The following SMIM7 variants were observed in gnomAD, a reference collection of about 807,000 sequenced individuals.
SMIM7 encodes the protein UPF0608 protein C19orf42.
Under a neutral mutation model 13.3 loss-of-function variants are expected in SMIM7, and 12 were observed. The observed-to-expected ratio is 0.90, with a 90% confidence interval of 0.58 to 1.46. The LOEUF (loss-of-function observed/expected upper bound fraction) is 1.46, where lower values mean the gene tolerates loss of function less well. Among genes scored for constraint, SMIM7 ranks in the 40% most tolerant of loss-of-function variants. The pLI, the probability that SMIM7 is intolerant of heterozygous loss-of-function variation, is 0.00. For missense variants in SMIM7, 114 were observed against 94.8 expected, an observed-to-expected ratio of 1.20 and a Z score of -0.84; for synonymous variants, 36 against 35.8, an observed-to-expected ratio of 1.01 and a Z score of -0.02.
At chr19:16,643,119 T>TA (rs997551551), downstream of SMIM7, among the ~76,000 whole-genome samples, 2 of 151,542 alleles carry the variant, frequency 1.3e-5, no homozygotes, top group African/African-American at 4.9e-5. Context: ...ACTCTGTCTC[T>TA]AAAAAAAGAA....
chr19:16,660,031 C>T, intron 1 of SMIM7, 31 bp from the exon 2 acceptor site: 2 of 1,613,998 alleles, frequency 1.2e-6, no homozygotes, highest in Non-Finnish European at 1.7e-6. Flanking sequence ...TTACTAGGGG[C>T]GCCCCCGCGT....
At chr19:16,654,880 C>T (rs2086576233) in intron 3 of SMIM7, among the ~76,000 whole-genome samples, 1 of 143,494 alleles carries the variant, frequency 7.0e-6, no homozygotes, top group Non-Finnish European at 1.5e-5. Flanking sequence ...ACCATATGGC[C>T]CGCAAAGCCC....
chr19:16,659,567 T>A, intron 2 of SMIM7, 120 bp from the exon 3 acceptor site: 1 of 1,001,308 alleles, frequency 1.0e-6, no homozygotes, highest in South Asian at 1.4e-5. Flanking sequence ...GCAAACTTGC[T>A]GTGTGACCTC....
Position 16,659,960 on chromosome 19 carries a change from G to C in SMIM7, c.67C>G (p.Leu23Val), listed in dbSNP as rs369292799. 2 of 1,611,768 alleles carry C rather than the reference G, an allele frequency of 1.2e-6. No individual in the cohort carries two copies. Among genetic ancestry groups the C allele is most frequent in the Non-Finnish European group, 1.7e-6 (2 of 1,179,322 alleles). The change falls in exon 2 of 5, where the codon CTG becomes GTG. Residue 23 changes from leucine to valine, a missense_variant and splice_region_variant. Transcript: ENST00000487416. ...GCAGTCCGGCCGCGACCTACTCACA[G>C]CTTAAAGTTCAGCACCGCCCCGGCA... is the stretch of plus-strand genomic sequence containing the variant. ...MNAGAVLNFKLKKKDTQGFGE... is the reference protein window; with the variant it reads ...MNAGAVLNFKVKKKDTQGFGE...
At chr19:16,654,465 A>G (rs1210595072) in intron 3 of SMIM7, among the ~76,000 whole-genome samples, 5 of 152,180 alleles carry the variant, frequency 3.3e-5, no homozygotes, top group African/African-American at 1.2e-4. Context: ...GGAAGATGTA[A>G]GCTCAGTAAG....
chr19:16,639,173 G>C (rs910344399), intron 4 of SMIM7, among the ~76,000 whole-genome samples: 5 of 148,494 alleles, frequency 3.4e-5, no homozygotes, highest in Non-Finnish European at 7.4e-5. Context: ...CCAGGCTGGA[G>C]TGCAGTGGCG....
chr19:16,644,055 TG>T (rs1479891395), downstream of SMIM7: 1 of 150,900 alleles, frequency 6.6e-6, no homozygotes, highest in Non-Finnish European at 1.5e-5. Flanking sequence ...TACAGGAATA[TG>T]GAAAATGCTG....
chr19:16,659,086 C>T (rs1017083608), intron 3 of SMIM7: 21 of 396,932 alleles, frequency 5.3e-5, no homozygotes, highest in Middle Eastern at 7.7e-4. Context: ...AGTTCGAGAC[C>T]GGCCTGGGCA....
intron 4 of SMIM7, 92 bp from the exon 5 acceptor site, chr19:16,647,353 ATTAC>A (rs2086462201): frequency 4.9e-6 from 7 of 1,435,372 alleles, no homozygotes; most frequent in Non-Finnish European, 3.9e-6. Context: ...ACTATTACCT[ATTAC>A]TTAGATGATT....
intron 4 of SMIM7, chr19:16,652,989 TAAAAC>T (rs1429663935): frequency 1.3e-6 from 2 of 1,549,726 alleles, no homozygotes; most frequent in South Asian, 1.2e-5. Context: ...AGCCAGAATT[TAAAAC>T]AATAAAGTCT....
downstream of SMIM7, among the ~76,000 whole-genome samples, chr19:16,642,041 G>C (rs1462360377): frequency 6.6e-6 from 1 of 152,198 alleles, no homozygotes; most frequent in Non-Finnish European, 1.5e-5. Context: ...GAAGCAAAAT[G>C]GGTTCCAACA....
At position 16,654,144 on chromosome 19, in the gene SMIM7, A is replaced by G; in HGVS notation, c.122-19T>C. ...TTGTCACCTGGAAGAATCAGAAAGCACTTTTATGGCACAGCTAACATCCCA... is the reference window on the plus strand; with the variant it reads ...TTGTCACCTGGAAGAATCAGAAAGCGCTTTTATGGCACAGCTAACATCCCA... On this transcript the variant is annotated intron_variant, in intron 3 of 4. Coordinates refer to ENST00000487416, the MANE Select transcript of SMIM7 (RefSeq NM_024104.4). The G allele has an allele frequency of 1.2e-6, 2 of 1,605,894 alleles. No individual in the cohort carries two copies. The highest frequency in any genetic ancestry group is 8.5e-7 in the Non-Finnish European group (1 of 1,172,814).
At chr19:16,642,046 C>G (rs1306032567), downstream of SMIM7, among the ~76,000 whole-genome samples, 13 of 152,256 alleles carry the variant, frequency 8.5e-5, no homozygotes, top group East Asian at 2.5e-3. Flanking sequence ...AAAATGGGTT[C>G]CAACATGAAC....
chr19:16,650,979 T>C (rs2086517518), intron 4 of SMIM7, among the ~76,000 whole-genome samples: 3 of 152,162 alleles, frequency 2.0e-5, no homozygotes, highest in Non-Finnish European at 4.4e-5. Flanking sequence ...ACGTTTCATT[T>C]CCCCATGCAG....
chr19:16,657,687 C>T (rs144172756), intron 3 of SMIM7, among the ~76,000 whole-genome samples: 52 of 152,298 alleles, frequency 3.4e-4, no homozygotes, highest in African/African-American at 1.2e-3. Context: ...CTAACTGGGT[C>T]AGCACCCAAG....
chr19:16,639,373 C>T (rs1315245770), intron 4 of SMIM7, among the ~76,000 whole-genome samples: 1 of 152,166 alleles, frequency 6.6e-6, no homozygotes, highest in Non-Finnish European at 1.5e-5. Context: ...CTGCCCGCCT[C>T]CGCCTCCCAA....
At chr19:16,650,773 AT>A (rs1965130299) in intron 4 of SMIM7, among the ~76,000 whole-genome samples, 1 of 151,842 alleles carries the variant, frequency 6.6e-6, no homozygotes, top group South Asian at 2.1e-4. Context: ...GGCTCTGCCA[AT>A]TTCCTCAGCA....
intron 2 of SMIM7, 192 bp downstream of exon 2, chr19:16,659,767 A>G (rs2086648440): frequency 4.2e-6 from 3 of 716,206 alleles, no homozygotes; most frequent in Non-Finnish European, 7.0e-6. Flanking sequence ...AGGAACGGAG[A>G]GTATGGGTTT....
intron 2 of SMIM7, 32 bp downstream of exon 2, chr19:16,659,927 A>T: frequency 6.3e-7 from 1 of 1,598,596 alleles, no homozygotes; most frequent in Non-Finnish European, 8.5e-7. Flanking sequence ...GGTTCCCCGG[A>T]TGGAGCCGCA....
Sources: allele counts gnomAD v4.1 joint callset (sites outside exome capture counted in the v4.1 genomes callset), GRCh38; gene constraint gnomAD v4.1.1; transcripts MANE v1.5; gene names NCBI Gene and HGNC (gene_info 2026-07-23, HGNC 2026-07-21).